The following PCMT1 variants were observed in gnomAD, a reference collection of about 807,000 sequenced individuals.
PCMT1 encodes protein-L-isoaspartate(D-aspartate) O-methyltransferase.
A neutral mutation model predicts 29.2 loss-of-function variants in PCMT1; 9 were observed. The ratio of observed to expected loss-of-function variants is 0.31; its 90% CI spans 0.19 to 0.54. PCMT1 has a LOEUF of 0.54. Ranked by LOEUF, PCMT1 falls within the 20% of genes least tolerant of loss-of-function variation. The pLI is 0.95. For synonymous variants in PCMT1, 98 were observed against 97.5 expected, an observed-to-expected ratio of 1.00 and a Z score of -0.03; for missense variants, 184 against 282.2, an observed-to-expected ratio of 0.65 and a Z score of 2.49.
chr6:149,774,602 A>G (rs1408321138), intron 3 of PCMT1, among the ~76,000 whole-genome samples: 7 of 140,424 alleles, frequency 5.0e-5, no homozygotes, highest in African/African-American at 1.6e-4. Context: ...CAATATTGTC[A>G]TCTCTGCTCA....
intron 3 of PCMT1, among the ~76,000 whole-genome samples, chr6:149,784,816 A>G (rs1422741818): frequency 6.6e-6 from 1 of 151,322 alleles, no homozygotes; most frequent in African/African-American, 2.4e-5. Context: ...CATACATAAT[A>G]TTATTTCATC....
At chr6:149,772,888 G>A (rs1246883066) in intron 2 of PCMT1, among the ~76,000 whole-genome samples, 2 of 151,940 alleles carry the variant, frequency 1.3e-5, no homozygotes, top group Non-Finnish European at 1.5e-5. Flanking sequence ...GTGGTGGTGG[G>A]GGCCTGTAGT....
chr6:149,772,563 A>G (rs1443905196), intron 2 of PCMT1: 2 of 456,140 alleles, frequency 4.4e-6, no homozygotes, highest in South Asian at 3.1e-5. Context: ...AGCTGACTCT[A>G]CAGGAGAAGA....
intron 1 of PCMT1, among the ~76,000 whole-genome samples, chr6:149,753,239 A>C (rs543601030): frequency 3.9e-5 from 6 of 152,272 alleles, no homozygotes; most frequent in South Asian, 4.1e-4. Context: ...AAAGGCTTTT[A>C]ATTGAAATCT....
At chr6:149,759,537 C>T (rs1033128822) in intron 1 of PCMT1, among the ~76,000 whole-genome samples, 2 of 151,852 alleles carry the variant, frequency 1.3e-5, no homozygotes, top group Non-Finnish European at 2.9e-5. Flanking sequence ...TCTTGTTGCC[C>T]GGGCTGGAGT....
rs575924664 is a variant in PCMT1 at position 149,749,772 on chromosome 6, C to T, written c.-130C>T. On this transcript the variant is annotated 5_prime_UTR_variant, in exon 1 of 8. Transcript: ENST00000464889. ...GCGGCAGCGGCGGCGACGGCAGTAACAGCGGCAGCTACAGCGGGGACGCGA... is the reference window on the plus strand; with the variant it reads ...GCGGCAGCGGCGGCGACGGCAGTAATAGCGGCAGCTACAGCGGGGACGCGA... The T allele has an allele frequency of 8.5e-5, 131 of 1,549,080 alleles. No individual in the cohort carries two copies. In the Admixed American group the frequency reaches 1.5e-3, roughly 18 times the overall value.
intron 3 of PCMT1, among the ~76,000 whole-genome samples, chr6:149,783,956 G>A (rs1413654): frequency 0.53 from 80,800 of 152,094 alleles, 24,697 homozygotes; most frequent in East Asian, 0.83. Flanking sequence ...TGGCCTTTCA[G>A]AGCACTCGGA....
intron 3 of PCMT1, among the ~76,000 whole-genome samples, chr6:149,786,029 G>A (rs1788035146): frequency 6.7e-6 from 1 of 148,366 alleles, no homozygotes; most frequent in Non-Finnish European, 1.5e-5. Context: ...GGCTGGCCGG[G>A]CGGGGGGCTG....
At position 149,810,677 on chromosome 6, in the gene PCMT1, C is replaced by G. The variant is rs1776136257; in HGVS notation, c.*99C>G. 7 of 1,461,184 alleles carry G rather than the reference C, an allele frequency of 4.8e-6. No individual in the cohort carries two copies. Among genetic ancestry groups the G allele is most frequent in the Non-Finnish European group, 6.6e-6 (7 of 1,066,896 alleles). 90.5% of individuals were successfully genotyped at this position (1,461,184 alleles called of 1,614,324 possible). Reference sequence around the variant, plus strand: ...TAAAATTACAGTGGATTGCTCATCTCAGTCCTCAAAGCTTTTTGAAAACCA... The same window carrying G: ...TAAAATTACAGTGGATTGCTCATCTGAGTCCTCAAAGCTTTTTGAAAACCA... On this transcript the variant is annotated 3_prime_UTR_variant, in exon 8 of 8. Coordinates refer to ENST00000464889, the MANE Select transcript of PCMT1 (RefSeq NM_001360452.2).
intron 6 of PCMT1, among the ~76,000 whole-genome samples, chr6:149,798,857 A>C (rs140310257): frequency 7.9e-4 from 120 of 152,372 alleles, no homozygotes; most frequent in African/African-American, 2.8e-3. Context: ...GAAAAGAGGG[A>C]ATGCTGCTTG....
chr6:149,778,120 G>T (rs1440629617), intron 3 of PCMT1, among the ~76,000 whole-genome samples: 5 of 151,372 alleles, frequency 3.3e-5, no homozygotes, highest in African/African-American at 9.7e-5. Context: ...CAAGTGATCT[G>T]CCTGACTCGG....
intron 7 of PCMT1, among the ~76,000 whole-genome samples, chr6:149,802,959 A>G (rs999746842): frequency 6.8e-6 from 1 of 148,002 alleles, no homozygotes; most frequent in African/African-American, 2.5e-5. Flanking sequence ...AGGCTGAGCC[A>G]GGAGAATTGC....
intron 3 of PCMT1, among the ~76,000 whole-genome samples, chr6:149,787,189 A>C (rs1219011353): frequency 1.2e-4 from 18 of 146,184 alleles, no homozygotes; most frequent in African/African-American, 3.9e-4. Flanking sequence ...GAGGCAGGAG[A>C]ATCAGGCAGG....
At chr6:149,759,127 G>A (rs1786641507) in intron 1 of PCMT1, among the ~76,000 whole-genome samples, 1 of 152,048 alleles carries the variant, frequency 6.6e-6, no homozygotes, top group Non-Finnish European at 1.5e-5. Context: ...TGCCCGGCTC[G>A]GCCTCCCAAA....
At chr6:149,759,180 G>A (rs1583005090) in intron 1 of PCMT1, among the ~76,000 whole-genome samples, 1 of 151,764 alleles carries the variant, frequency 6.6e-6, no homozygotes, top group Non-Finnish European at 1.5e-5. Context: ...CGGCCATGTT[G>A]TGAATTTAAA....
chr6:149,793,663 C>T lies in PCMT1; in HGVS notation c.412C>T (p.Leu138Phe), dbSNP rs1562420224. ...PTLLSSGRVQ[L>F]VVGDGRMGYA... ...ACTTCTGTCTTCAGGGAGAGTACAG[C>T]TTGTTGGTAAGTATCAGAAAACTTT... Residue 138 changes from leucine (L) to phenylalanine (F), a missense_variant, in exon 5 of 8, where the codon CTT becomes TTT. Physicochemically the swap from Leu to Phe is conservative, Grantham distance 22. Coordinates refer to ENST00000464889, the MANE Select transcript of PCMT1 (RefSeq NM_001360452.2). 3.3e-6 allele frequency: 5 copies of T among 1,536,980 alleles called. No homozygotes were observed. Among genetic ancestry groups the T allele is most frequent in the Non-Finnish European group, 4.3e-6 (5 of 1,155,720 alleles).
intron 4 of PCMT1, among the ~76,000 whole-genome samples, chr6:149,792,495 G>A (rs1156728848): frequency 5.3e-5 from 8 of 152,142 alleles, no homozygotes; most frequent in Non-Finnish European, 1.5e-5. Context: ...ATGCAAAGAA[G>A]GGATTTTTGT....
At chr6:149,774,642 A>G (rs558929903) in intron 3 of PCMT1, among the ~76,000 whole-genome samples, 1 of 148,662 alleles carries the variant, frequency 6.7e-6, no homozygotes, top group East Asian at 2.0e-4. Context: ...GGTTCAAGTA[A>G]TTCTCTTGCC....
intron 7 of PCMT1, among the ~76,000 whole-genome samples, chr6:149,807,543 G>A (rs1776049693): frequency 6.6e-6 from 1 of 152,038 alleles, no homozygotes; most frequent in Non-Finnish European, 1.5e-5. Flanking sequence ...GCTAATTTTT[G>A]TATTTTTAGT....
Sources: allele counts gnomAD v4.1 joint callset (sites outside exome capture counted in the v4.1 genomes callset), GRCh38; gene constraint gnomAD v4.1.1; transcripts MANE v1.5; gene names NCBI Gene and HGNC (gene_info 2026-07-23, HGNC 2026-07-21).